The following ATP8B4 variants were observed in gnomAD, a reference collection of about 807,000 sequenced individuals.
The protein encoded by ATP8B4 is probable phospholipid-transporting ATPase IM.
ATP8B4 carries 133 observed loss-of-function variants against 145.6 expected under a neutral mutation model. That is an observed-to-expected ratio of 0.91 (90% CI 0.79 to 1.05). The LOEUF is 1.05. Ranked by LOEUF, ATP8B4 falls within the 50% of genes least tolerant of loss-of-function variation. ATP8B4 has a pLI of 0.00. For missense variants in ATP8B4, 1,458 were observed against 1,425.2 expected (o/e 1.02, Z -0.37); for synonymous variants, 507 against 492.9 (o/e 1.03, Z -0.38).
intron 1 of ATP8B4, among the ~76,000 whole-genome samples, chr15:50,160,786 C>A (rs1319651248): frequency 6.6e-6 from 1 of 151,714 alleles, no homozygotes; most frequent in African/African-American, 2.4e-5. Flanking sequence ...TTGTTTGTGG[C>A]TTAAGATATG....
At chr15:50,125,141 AG>A (rs1273563243) in intron 1 of ATP8B4, among the ~76,000 whole-genome samples, 7 of 152,152 alleles carry the variant, frequency 4.6e-5, no homozygotes, top group African/African-American at 1.7e-4. Flanking sequence ...TCCAACAATC[AG>A]GGCATTTACA....
In ATP8B4 at chr15:49,858,435, C is replaced by G. The variant is rs976480800; in HGVS notation, c.*1759G>C. 6.6e-6 allele frequency: 1 copy of G among 152,198 alleles called. No homozygotes were observed. 9.4% of individuals were successfully genotyped at this position (152,198 alleles called of 1,614,324 possible). On this transcript the variant is annotated 3_prime_UTR_variant, in exon 28 of 28. Transcript: ENST00000284509. ...AAGGACTGCATTTGACTCTTTTACA[C>G]ATATTATTTCATTTGATCCCATTTA...
At chr15:49,908,636 A>G (rs1368660164) in intron 20 of ATP8B4, among the ~76,000 whole-genome samples, 2 of 152,082 alleles carry the variant, frequency 1.3e-5, no homozygotes, top group East Asian at 1.9e-4. Flanking sequence ...GGTCCCACAT[A>G]CCACAAAATG....
chr15:49,940,937 T>C (rs570736040), intron 14 of ATP8B4, among the ~76,000 whole-genome samples: 4 of 151,676 alleles, frequency 2.6e-5, no homozygotes, highest in African/African-American at 9.7e-5. Flanking sequence ...TCGAGAGACA[T>C]AGAGAGAAAG....
At position 50,107,011 on chromosome 15, in the gene ATP8B4, A is replaced by G. The variant is rs780043458; in HGVS notation, c.-42-3T>C. Reference sequence around the variant, plus strand: ...CCAGGTCTCAACAGGTGGCCTACCTAAGAAAAAGAAGTATGCATATTAGTA... The same window carrying G: ...CCAGGTCTCAACAGGTGGCCTACCTGAGAAAAAGAAGTATGCATATTAGTA... On this transcript the variant is annotated splice_region_variant and splice_polypyrimidine_tract_variant and intron_variant, in intron 1 of 27. Transcript: ENST00000284509. The G allele has an allele frequency of 2.6e-6, 4 of 1,529,374 alleles. No individual in the cohort carries two copies. The highest frequency in any genetic ancestry group is 3.5e-6 in the Non-Finnish European group (4 of 1,140,842). The allele number at this position is 1,529,374 out of a possible 1,614,324, so 94.7% of individuals were successfully genotyped here. A position where few individuals can be genotyped will look rare whatever the true frequency, so the allele number is the denominator to read the frequency against.
At chr15:49,976,601 T>G (rs904661150) in intron 12 of ATP8B4, among the ~76,000 whole-genome samples, 3 of 152,164 alleles carry the variant, frequency 2.0e-5, no homozygotes, top group Admixed American at 2.0e-4. Flanking sequence ...TTTATTTATC[T>G]GAAAGTCTAG....
intron 3 of ATP8B4, among the ~76,000 whole-genome samples, chr15:50,070,905 G>T (rs987565944): frequency 1.3e-5 from 2 of 151,972 alleles, no homozygotes; most frequent in African/African-American, 4.8e-5. Context: ...ACCACACCTG[G>T]CTAATTTTTG....
At chr15:49,952,069 G>A (rs1327747577) in intron 14 of ATP8B4, among the ~76,000 whole-genome samples, 1 of 152,200 alleles carries the variant, frequency 6.6e-6, no homozygotes, top group East Asian at 1.9e-4. Context: ...TCTGCTGATA[G>A]TCTGATGGGC....
At chr15:50,156,238 C>T in intron 1 of ATP8B4, among the ~76,000 whole-genome samples, 1 of 149,740 alleles carries the variant, frequency 6.7e-6, no homozygotes. Context: ...TCCTTTTGGC[C>T]CCTGTGTACC....
At chr15:49,898,347 T>C in intron 21 of ATP8B4, 96 bp from the exon 22 acceptor site, 1 of 1,289,862 alleles carries the variant, frequency 7.8e-7, no homozygotes, top group South Asian at 1.5e-5. Flanking sequence ...ACCATTTCAT[T>C]TGTTTGCTAA....
chr15:50,007,075 G>A (rs947646196), intron 7 of ATP8B4, among the ~76,000 whole-genome samples: 6 of 151,982 alleles, frequency 3.9e-5, no homozygotes, highest in African/African-American at 1.5e-4. Flanking sequence ...ATTTTAAAAT[G>A]TACATACAAA....
intron 23 of ATP8B4, among the ~76,000 whole-genome samples, chr15:49,882,673 A>G (rs761651808): frequency 1.3e-5 from 2 of 152,208 alleles, no homozygotes; most frequent in Non-Finnish European, 2.9e-5. Context: ...AAGTATGAAA[A>G]TCTATTCCTA....
chr15:50,153,495 T>C (rs1189494447), intron 1 of ATP8B4, among the ~76,000 whole-genome samples: 1 of 152,138 alleles, frequency 6.6e-6, no homozygotes. Flanking sequence ...CCTGCCACCG[T>C]GCCCAGCTAA....
intron 14 of ATP8B4, among the ~76,000 whole-genome samples, chr15:49,952,916 A>C (rs1307886176): frequency 1.4e-5 from 2 of 147,700 alleles, no homozygotes; most frequent in Admixed American, 1.4e-4. Context: ...GTTGTTGTCA[A>C]TACTGTTGTT....
At chr15:49,972,491 T>A in intron 13 of ATP8B4, 91 bp downstream of exon 13, 1 of 1,242,814 alleles carries the variant, frequency 8.0e-7, no homozygotes, top group Non-Finnish European at 1.1e-6. Context: ...AGCCAGCGAC[T>A]GTTTTGGATT....
At chr15:50,087,198 A>G (rs1212985640) in intron 2 of ATP8B4, among the ~76,000 whole-genome samples, 1 of 130,030 alleles carries the variant, frequency 7.7e-6, no homozygotes, top group Non-Finnish European at 1.5e-5. Flanking sequence ...TCTGTATATT[A>G]TATATAATAA....
chr15:50,036,977 A>G (rs2050885631), intron 6 of ATP8B4, among the ~76,000 whole-genome samples: 2 of 152,208 alleles, frequency 1.3e-5, no homozygotes, highest in South Asian at 4.1e-4. Flanking sequence ...ATAAAACCAC[A>G]AGAAAGTAAC....
chr15:49,936,642 G>C (rs562545589), intron 14 of ATP8B4, among the ~76,000 whole-genome samples: 1 of 151,998 alleles, frequency 6.6e-6, no homozygotes, highest in African/African-American at 2.4e-5. Context: ...CATTGTTTCT[G>C]AGTATTCAGG....
intron 1 of ATP8B4, among the ~76,000 whole-genome samples, chr15:50,110,954 G>A (rs2056910166): frequency 6.6e-6 from 1 of 151,940 alleles, no homozygotes; most frequent in Admixed American, 6.6e-5. Context: ...CTTGGTCACA[G>A]AAAATAGTTT....
Sources: gnomAD v4.1 joint callset for allele counts (sites outside exome capture counted in the v4.1 genomes callset) on GRCh38, gnomAD v4.1.1 for gene constraint, MANE v1.5 for transcripts, NCBI Gene and HGNC (gene_info 2026-07-23, HGNC 2026-07-21) for gene names.